The following LRRTM4 variants were observed in gnomAD, a reference collection of about 807,000 sequenced individuals.
LRRTM4 encodes leucine rich repeat transmembrane neuronal 4, also known as leucine-rich repeat transmembrane neuronal protein 4.
Under a neutral mutation model 47.6 loss-of-function variants are expected in LRRTM4, and 25 were observed. The ratio of observed to expected loss-of-function variants is 0.53; its 90% CI spans 0.38 to 0.73. The LOEUF (loss-of-function observed/expected upper bound fraction) is 0.73, where lower values mean the gene tolerates loss of function less well. Ranked by LOEUF, LRRTM4 falls within the 30% of genes least tolerant of loss-of-function variation. LRRTM4 has a pLI of 0.00. For synonymous variants in LRRTM4, 311 were observed against 269.5 expected (o/e 1.15, Z -1.51); for missense variants, 638 against 713.4 (o/e 0.89, Z 1.20).
At chr2:76,992,628 C>G (rs1268826818) in intron 3 of LRRTM4, among the ~76,000 whole-genome samples, 1 of 151,338 alleles carries the variant, frequency 6.6e-6, no homozygotes, top group Admixed American at 6.6e-5. Flanking sequence ...TCAAAGACAA[C>G]ACAAACAAAT....
Position 77,223,765 on chromosome 2 carries a change from G to A in LRRTM4, c.1551+294553C>T, listed in dbSNP as rs529091057. On this transcript the variant is annotated intron_variant, in intron 3 of 3. Coordinates refer to ENST00000409884, the MANE Select transcript of LRRTM4 (RefSeq NM_001134745.3). ...CTCATGGGTAGGAAGAATCAATATC[G>A]TGAAAATGGCCATACTGCCCAAGGT... Among the ~76,000 whole-genome samples the A allele has an allele frequency of 5.1e-4, 78 of 152,222 alleles. 1 individual carries two copies. Among genetic ancestry groups the A allele is most frequent in the African/African-American group, 1.6e-3 (68 of 41,524 alleles).
chr2:77,109,499 T>C (rs1671189309), intron 3 of LRRTM4, among the ~76,000 whole-genome samples: 4 of 152,160 alleles, frequency 2.6e-5, no homozygotes, highest in Admixed American at 2.6e-4. Context: ...CCACATGGTC[T>C]TGGAATCCTC....
intron 3 of LRRTM4, among the ~76,000 whole-genome samples, chr2:77,104,410 C>T (rs1671038294): frequency 6.6e-6 from 1 of 152,088 alleles, no homozygotes; most frequent in African/African-American, 2.4e-5. Context: ...CCAGAATCCC[C>T]AAATAGCTTC....
Position 76,799,673 on chromosome 2 carries a change from C to G in LRRTM4, c.1552-50757G>C, listed in dbSNP as rs941591253. ...GAGGAAGTCAAATTGTCCCTGTTTGCGGATGACATGATTGTATATCTAGAA... is the reference window on the plus strand; with the variant it reads ...GAGGAAGTCAAATTGTCCCTGTTTGGGGATGACATGATTGTATATCTAGAA... On this transcript the variant is annotated intron_variant, in intron 3 of 3. Coordinates refer to ENST00000409884, the MANE Select transcript of LRRTM4 (RefSeq NM_001134745.3). Among the ~76,000 whole-genome samples, 5 of 130,714 alleles carry G rather than the reference C, an allele frequency of 3.8e-5. 1 individual carries two copies. The highest frequency in any genetic ancestry group is 6.2e-5 in the African/African-American group (2 of 32,268). The allele number at this position is 130,714 out of a possible 152,430, so 85.8% of individuals were successfully genotyped here. A position where few individuals can be genotyped will look rare whatever the true frequency, so the allele number is the denominator to read the frequency against.
intron 3 of LRRTM4, among the ~76,000 whole-genome samples, chr2:77,085,699 C>T (rs1476313553): frequency 6.6e-6 from 1 of 152,148 alleles, no homozygotes; most frequent in Non-Finnish European, 1.5e-5. Flanking sequence ...ACAATCGAAT[C>T]ATTGTCTCTT....
At chr2:77,081,635 T>G (rs964034743) in intron 3 of LRRTM4, among the ~76,000 whole-genome samples, 2 of 152,194 alleles carry the variant, frequency 1.3e-5, no homozygotes, top group African/African-American at 4.8e-5. Context: ...GCAAGTATAT[T>G]GTCAAGTTTG....
chr2:77,467,290 T>C (rs1466359889), intron 3 of LRRTM4, among the ~76,000 whole-genome samples: 1 of 152,092 alleles, frequency 6.6e-6, no homozygotes, highest in Non-Finnish European at 1.5e-5. Context: ...ATGACCACCC[T>C]GACGAGTGAC....
intron 3 of LRRTM4, among the ~76,000 whole-genome samples, chr2:76,903,064 C>G (rs1037155508): frequency 7.2e-5 from 11 of 151,978 alleles, no homozygotes; most frequent in Non-Finnish European, 8.8e-5. Flanking sequence ...ATCTTTCAAC[C>G]AGATTTCATT....
intron 3 of LRRTM4, among the ~76,000 whole-genome samples, chr2:77,140,689 A>C (rs1314776092): frequency 6.6e-6 from 1 of 152,194 alleles, no homozygotes; most frequent in African/African-American, 2.4e-5. Flanking sequence ...TGAACAGGCA[A>C]CCTACAGAAT....
chr2:77,431,295 A>G lies in LRRTM4; in HGVS notation c.1551+87023T>C, dbSNP rs534553474. On this transcript the variant is annotated intron_variant, in intron 3 of 3. Transcript: ENST00000409884. ...TTTTGCTCAGAGTTCTGGAAGCTGG[A>G]AAGTACAAATTCAAGAAAGGGTGAG... Among the ~76,000 whole-genome samples the G allele has an allele frequency of 6.1e-4, 91 of 148,930 alleles. 13 individuals carry two copies. The highest frequency in any genetic ancestry group is 2.3e-3 in the African/African-American group (87 of 38,406).
intron 3 of LRRTM4, among the ~76,000 whole-genome samples, chr2:77,255,605 A>G (rs1357861309): frequency 6.6e-6 from 1 of 152,072 alleles, no homozygotes; most frequent in Non-Finnish European, 1.5e-5. Context: ...GTAGCTATCA[A>G]TAATAGCACA....
chr2:77,444,369 A>C (rs1882683), intron 3 of LRRTM4, among the ~76,000 whole-genome samples: 96,703 of 151,970 alleles, frequency 0.64, 31,638 homozygotes, highest in South Asian at 0.75. Flanking sequence ...CACTTTCTGA[A>C]GTTCAGCCTT....
intron 3 of LRRTM4, among the ~76,000 whole-genome samples, chr2:76,943,032 A>G (rs929856434): frequency 1.1e-4 from 16 of 152,194 alleles, no homozygotes; most frequent in African/African-American, 3.9e-4. Context: ...AATCATAAAT[A>G]AATCAGGGAC....
At chr2:77,213,307 C>G (rs1674346229) in intron 3 of LRRTM4, among the ~76,000 whole-genome samples, 1 of 152,036 alleles carries the variant, frequency 6.6e-6, no homozygotes, top group Non-Finnish European at 1.5e-5. Flanking sequence ...GACTCCAGAA[C>G]CCTGGAGTTA....
At chr2:77,514,446 C>T (rs1000795159) in intron 3 of LRRTM4, among the ~76,000 whole-genome samples, 2 of 151,998 alleles carry the variant, frequency 1.3e-5, no homozygotes, top group East Asian at 1.9e-4. Context: ...GTTTATACCA[C>T]CCACTGCATA....
chr2:77,262,552 T>C, intron 3 of LRRTM4, among the ~76,000 whole-genome samples: 1 of 152,068 alleles, frequency 6.6e-6, no homozygotes, highest in East Asian at 1.9e-4. Context: ...CATTTTTTTT[T>C]CATGTTTTCT....
At chr2:76,759,609 G>A (rs530556490) in intron 3 of LRRTM4, among the ~76,000 whole-genome samples, 2 of 151,956 alleles carry the variant, frequency 1.3e-5, no homozygotes, top group Admixed American at 6.6e-5. Flanking sequence ...CATAAACAAT[G>A]TTTTTTTTCC....
intron 3 of LRRTM4, among the ~76,000 whole-genome samples, chr2:76,847,124 C>T (rs552492387): frequency 1.8e-4 from 28 of 151,920 alleles, no homozygotes; most frequent in African/African-American, 5.3e-4. Context: ...TCAAAAAATA[C>T]GAAAAAGGAA....
rs1232874075 is a variant in LRRTM4 at position 76,777,272 on chromosome 2, G to A, written c.1552-28356C>T. On this transcript the variant is annotated intron_variant, in intron 3 of 3. Transcript: ENST00000409884. ...TTTTTGGTTCCATATGAACTTTAAA[G>A]TAGTTTTTTCCAATTCTGTGAAGAA... is the stretch of plus-strand genomic sequence containing the variant. Among the ~76,000 whole-genome samples the A allele has an allele frequency of 2.0e-5, 3 of 147,056 alleles. 1 individual carries two copies. The highest frequency in any genetic ancestry group is 4.6e-4 in the South Asian group (2 of 4,306).
Sources: gnomAD v4.1 joint callset for allele counts (sites outside exome capture counted in the v4.1 genomes callset) on GRCh38, gnomAD v4.1.1 for gene constraint, MANE v1.5 for transcripts, NCBI Gene and HGNC (gene_info 2026-07-23, HGNC 2026-07-21) for gene names.